Variants in SULF1 observed in about 807,000 individuals in gnomAD.
The protein encoded by SULF1 is extracellular sulfatase Sulf-1.
In SULF1, 46 loss-of-function variants were observed where a neutral mutation model predicts 110.5. That is an observed-to-expected ratio of 0.42 (90% CI 0.33 to 0.53). The LOEUF (loss-of-function observed/expected upper bound fraction) is 0.53. SULF1 is among the 20% of genes least tolerant of loss of function. SULF1 has a pLI of 0.12. For missense variants in SULF1, 941 were observed against 1,094.2 expected (o/e 0.86, Z 1.98); for synonymous variants, 371 against 387.1 (o/e 0.96, Z 0.49).
intron 5 of SULF1, among the ~76,000 whole-genome samples, chr8:69,570,549 T>C (rs549933991): frequency 1.3e-5 from 2 of 152,332 alleles, no homozygotes; most frequent in Admixed American, 6.5e-5. Context: ...ATGATTTTTG[T>C]ATGAAATCAT....
At chr8:69,656,403 A>T (rs1232193959) in intron 22 of SULF1, among the ~76,000 whole-genome samples, 2 of 152,090 alleles carry the variant, frequency 1.3e-5, no homozygotes, top group Non-Finnish European at 2.9e-5. Context: ...GGTTTGCTGC[A>T]CCTATCAACC....
rs75037845 is a variant in SULF1, at chr8:69,552,773, A to T, written c.-133-10766A>T. Among the ~76,000 whole-genome samples, 1,130 of 152,398 alleles carry T rather than the reference A, an allele frequency of 7.4e-3. 9 individuals carry two copies. Among genetic ancestry groups the T allele is most frequent in the African/African-American group, 0.026 (1,077 of 41,600 alleles). On this transcript the variant is annotated intron_variant, in intron 3 of 22. Transcript: ENST00000402687. The stretch of plus-strand genomic sequence containing the variant: ...TGTTCTGTAAGAGATGATTTAGGAG[A>T]TAGATAGAAACAATCTTGAATTATT...
chr8:69,533,616 G>A (rs557055323), intron 3 of SULF1, among the ~76,000 whole-genome samples: 28 of 152,252 alleles, frequency 1.8e-4, no homozygotes, highest in African/African-American at 6.7e-4. Context: ...GTATTCCATG[G>A]TGTATATGTA....
chr8:69,546,893 G>C (rs1404993883), intron 3 of SULF1, among the ~76,000 whole-genome samples: 1 of 152,182 alleles, frequency 6.6e-6, no homozygotes, highest in Non-Finnish European at 1.5e-5. Context: ...TGTGCAGAAA[G>C]AATAAGTAAA....
chr8:69,531,953 A>G (rs755332600), intron 3 of SULF1, among the ~76,000 whole-genome samples: 1 of 152,094 alleles, frequency 6.6e-6, no homozygotes, highest in Non-Finnish European at 1.5e-5. Flanking sequence ...TCACAACCTT[A>G]ACAGCAGCCA....
chr8:69,510,515 C>T (rs1271195648), intron 3 of SULF1, among the ~76,000 whole-genome samples: 3 of 152,034 alleles, frequency 2.0e-5, no homozygotes, highest in African/African-American at 7.2e-5. Context: ...TAGTAAAGTG[C>T]TTTATGCACA....
At chr8:69,656,762 G>C (rs1030824944) in intron 22 of SULF1, among the ~76,000 whole-genome samples, 3 of 152,150 alleles carry the variant, frequency 2.0e-5, no homozygotes, top group African/African-American at 4.8e-5. Context: ...TTGCTATTGT[G>C]AATAGTGCTG....
chr8:69,540,161 T>C (rs1813764297), intron 3 of SULF1, among the ~76,000 whole-genome samples: 1 of 152,134 alleles, frequency 6.6e-6, no homozygotes, highest in African/African-American at 2.4e-5. Flanking sequence ...AGTACTGGGA[T>C]AAATGGAAAG....
Position 69,658,519 on chromosome 8 carries a change from A to T in SULF1, c.2600A>T (p.Asp867Val). The change falls in exon 23 of 23, where the codon GAT becomes GTT. Residue 867 changes from aspartate to valine, a missense_variant. By Grantham distance (152) the Asp-to-Val change is radical. Transcript: ENST00000402687. The stretch of plus-strand genomic sequence containing the variant: ...TCTTTTCACAGAGGACAGTTATGGG[A>T]TGGATGGGAAGGTTAATCAGCCCCG... ...SYDLHRGQLW[D>V]GWEG The T allele has an allele frequency of 6.2e-7, 1 of 1,606,504 alleles. No individual in the cohort carries two copies. The highest frequency in any genetic ancestry group is 8.5e-7 in the Non-Finnish European group (1 of 1,176,076).
At chr8:69,646,728 T>C (rs1811937053) in intron 22 of SULF1, among the ~76,000 whole-genome samples, 1 of 152,180 alleles carries the variant, frequency 6.6e-6, no homozygotes, top group Non-Finnish European at 1.5e-5. Flanking sequence ...CTCTACACTA[T>C]ACTGATTCTC....
chr8:69,635,838 C>T (rs887921737), intron 19 of SULF1, among the ~76,000 whole-genome samples: 7 of 151,352 alleles, frequency 4.6e-5, no homozygotes, highest in African/African-American at 1.7e-4. Context: ...CCACTGCACT[C>T]GAGCTTGGGC....
Position 69,593,448 on chromosome 8 carries a change from G to A in SULF1, c.734+4307G>A, listed in dbSNP as rs114784159. On this transcript the variant is annotated intron_variant, in intron 8 of 22. Coordinates refer to ENST00000402687, the MANE Select transcript of SULF1 (RefSeq NM_001128205.2). ...CAAGTAACGTGAACACTTTCCTTTC[G>A]GTCATCTTCCTTGGTGGTCAGGCAT... Among the ~76,000 whole-genome samples the A allele has an allele frequency of 9.6e-3, 1,463 of 152,174 alleles. 27 individuals carry two copies. The highest frequency in any genetic ancestry group is 0.034 in the African/African-American group (1,395 of 41,508).
At chr8:69,505,924 C>T (rs937947777) in intron 3 of SULF1, among the ~76,000 whole-genome samples, 2 of 151,694 alleles carry the variant, frequency 1.3e-5, no homozygotes, top group Non-Finnish European at 2.9e-5. Context: ...ACACTTAACC[C>T]AAATCAGTTG....
At chr8:69,544,300 G>A (rs142270665) in intron 3 of SULF1, among the ~76,000 whole-genome samples, 1,993 of 151,190 alleles carry the variant, frequency 0.013, 49 homozygotes, top group African/African-American at 0.045. Flanking sequence ...ATGGAGTCTC[G>A]TTCTGTCACC....
intron 15 of SULF1, among the ~76,000 whole-genome samples, chr8:69,625,745 T>C (rs907253969): frequency 7.2e-5 from 11 of 152,186 alleles, no homozygotes; most frequent in African/African-American, 2.7e-4. Context: ...CAAGATTTAT[T>C]GCAAAGAGCG....
At chr8:69,639,526 G>A (rs1309753534) in intron 21 of SULF1, among the ~76,000 whole-genome samples, 1 of 152,204 alleles carries the variant, frequency 6.6e-6, no homozygotes, top group Middle Eastern at 3.2e-3. Flanking sequence ...TCTGGTTAAT[G>A]AAAATACTCA....
At chr8:69,605,020 T>C (rs1808129785) in intron 13 of SULF1, 88 bp downstream of exon 13, 3 of 1,556,806 alleles carry the variant, frequency 1.9e-6, no homozygotes, top group African/African-American at 2.8e-5. Flanking sequence ...GAATGTACAT[T>C]TGTGTATAAA....
intron 2 of SULF1, 116 bp downstream of exon 2, chr8:69,496,042 G>T (rs1810325577): frequency 1.3e-5 from 2 of 152,208 alleles, no homozygotes; most frequent in African/African-American, 4.8e-5. Context: ...AAATCTTGAG[G>T]TCTGATTACT....
At chr8:69,491,632 T>C (rs1317111301), upstream of SULF1, among the ~76,000 whole-genome samples, 2 of 152,224 alleles carry the variant, frequency 1.3e-5, no homozygotes, top group Admixed American at 1.3e-4. Context: ...CACACCCTCA[T>C]GAACCTATTG....
Sources: allele counts gnomAD v4.1 joint callset (sites outside exome capture counted in the v4.1 genomes callset), GRCh38; gene constraint gnomAD v4.1.1; transcripts MANE v1.5; gene names NCBI Gene and HGNC (gene_info 2026-07-23, HGNC 2026-07-21).